Variants in CYYR1 observed in about 807,000 individuals in gnomAD.
CYYR1 encodes the protein cysteine and tyrosine rich 1, also known as cysteine and tyrosine-rich protein 1.
CYYR1 carries 14 observed loss-of-function variants against 15.2 expected under a neutral mutation model. The observed-to-expected ratio is 0.92, with a 90% confidence interval of 0.61 to 1.44. CYYR1 has a LOEUF of 1.44. Among genes scored for constraint, CYYR1 ranks in the 40% most tolerant of loss-of-function variants. The probability of loss-of-function intolerance (pLI) is 0.00; values close to 1 mark genes in which losing one functional copy is unlikely to be tolerated. For synonymous variants in CYYR1, 80 were observed against 77.4 expected (o/e 1.03, Z -0.18); for missense variants, 228 against 209.5 (o/e 1.09, Z -0.54).
intron 2 of CYYR1, among the ~76,000 whole-genome samples, chr21:26,527,286 T>A (rs1289431537): frequency 1.3e-5 from 2 of 152,226 alleles, no homozygotes; most frequent in Admixed American, 6.5e-5. Context: ...GGGTTTGGAA[T>A]TTGGAATTAA....
intron 2 of CYYR1, among the ~76,000 whole-genome samples, chr21:26,556,621 G>A (rs1188263044): frequency 6.6e-6 from 1 of 152,012 alleles, no homozygotes; most frequent in African/African-American, 2.4e-5. Flanking sequence ...AATCAGGCAC[G>A]TCCTCACATG....
chr21:26,502,654 A>T (rs180787015), intron 2 of CYYR1, among the ~76,000 whole-genome samples: 13 of 151,920 alleles, frequency 8.6e-5, no homozygotes, highest in Admixed American at 7.9e-4. Flanking sequence ...CTTCTAGAGG[A>T]CTCCGATTTG....
chr21:26,527,103 G>A (rs2065876373), intron 2 of CYYR1, among the ~76,000 whole-genome samples: 1 of 152,150 alleles, frequency 6.6e-6, no homozygotes. Flanking sequence ...AGAAGTCAGG[G>A]GATGCTGGGC....
intron 2 of CYYR1, among the ~76,000 whole-genome samples, chr21:26,499,143 G>A (rs2065446718): frequency 6.6e-6 from 1 of 152,202 alleles, no homozygotes; most frequent in Admixed American, 6.5e-5. Flanking sequence ...ATATGTCCAT[G>A]TTCTAATTCC....
rs762557964 is a variant in CYYR1 at position 26,572,896 on chromosome 21, C to T, written c.45G>A (p.Pro15=). The change falls in exon 1 of 4, where the codon CCG becomes CCA. Residue 15 remains proline, a synonymous_variant. Coordinates refer to ENST00000652641, the MANE Select transcript of CYYR1 (RefSeq NM_001320768.2). The part of the protein sequence containing the change: ...RLPVRPGVLL[P]KLVLLFVYAD... ...CGTAGACAAAGAGCAGGACCAACTT[C>T]GGAAGCAAGACCCCTGGACGCACGG... The T allele has an allele frequency of 2.5e-6, 4 of 1,614,090 alleles. No individual in the cohort carries two copies. Among genetic ancestry groups the T allele is most frequent in the East Asian group, 2.2e-5 (1 of 44,840 alleles).
intron 2 of CYYR1, among the ~76,000 whole-genome samples, chr21:26,514,020 A>G (rs2065687148): frequency 6.6e-6 from 1 of 151,958 alleles, no homozygotes; most frequent in African/African-American, 2.4e-5. Flanking sequence ...ATATGTAACA[A>G]ACCTGCACGT....
At chr21:26,553,460 C>G (rs1379243579) in intron 2 of CYYR1, among the ~76,000 whole-genome samples, 1 of 152,020 alleles carries the variant, frequency 6.6e-6, no homozygotes, top group Non-Finnish European at 1.5e-5. Context: ...TAAACCCTGT[C>G]CACATTATGC....
intron 2 of CYYR1, among the ~76,000 whole-genome samples, chr21:26,557,400 TATTC>T (rs1353802583): frequency 1.3e-5 from 2 of 152,186 alleles, no homozygotes; most frequent in Non-Finnish European, 2.9e-5. Context: ...TATGGTAACA[TATTC>T]AATTCAGAAT....
intron 2 of CYYR1, among the ~76,000 whole-genome samples, chr21:26,538,894 C>T (rs147583883): frequency 6.6e-6 from 1 of 152,204 alleles, no homozygotes; most frequent in Non-Finnish European, 1.5e-5. Flanking sequence ...ACTATTAAAC[C>T]ATTAAATTTG....
chr21:26,549,828 A>G (rs570645519), intron 2 of CYYR1, among the ~76,000 whole-genome samples: 2 of 152,342 alleles, frequency 1.3e-5, no homozygotes, highest in South Asian at 4.1e-4. Flanking sequence ...AAAAATTTAA[A>G]AAGAATAAGA....
chr21:26,564,030 T>C (rs1399777403), intron 2 of CYYR1, among the ~76,000 whole-genome samples: 1 of 152,190 alleles, frequency 6.6e-6, no homozygotes, highest in Non-Finnish European at 1.5e-5. Flanking sequence ...TTAAAATGAT[T>C]TCACTAAGAA....
intron 2 of CYYR1, among the ~76,000 whole-genome samples, chr21:26,537,739 A>G (rs890450806): frequency 3.7e-4 from 57 of 152,174 alleles, no homozygotes; most frequent in Admixed American, 3.5e-3. Flanking sequence ...TGGTCCGAAT[A>G]TTTGGGTCCC....
intron 2 of CYYR1, among the ~76,000 whole-genome samples, chr21:26,523,783 A>C (rs978654434): frequency 1.3e-5 from 2 of 152,090 alleles, no homozygotes; most frequent in African/African-American, 4.8e-5. Context: ...CAAACTCATC[A>C]CACCATCTTG....
rs1053319472 is a variant in CYYR1 at position 26,573,096 on chromosome 21, G to C, written c.-156C>G. The C allele has an allele frequency of 3.9e-6, 6 of 1,524,700 alleles. No homozygotes were observed. The highest frequency in any genetic ancestry group is 5.3e-6 in the Non-Finnish European group (6 of 1,140,270). The allele number at this position is 1,524,700 out of a possible 1,614,324, so 94.4% of individuals were successfully genotyped here. A position where few individuals can be genotyped will look rare whatever the true frequency, so the allele number is the denominator to read the frequency against. On this transcript the variant is annotated 5_prime_UTR_variant, in exon 1 of 4. Transcript: ENST00000652641. ...CTAGGGAGCCTTCCAAGGGAGCCCG[G>C]GCCGGGCGCGTCCCGGGCCAGCGAC...
intron 3 of CYYR1, among the ~76,000 whole-genome samples, chr21:26,474,924 C>T (rs1283570553): frequency 1.3e-5 from 2 of 152,080 alleles, no homozygotes; most frequent in Non-Finnish European, 2.9e-5. Flanking sequence ...ATTTATGGGC[C>T]ATCACTAAAA....
chr21:26,516,325 C>T (rs2065726761), intron 2 of CYYR1, among the ~76,000 whole-genome samples: 1 of 152,072 alleles, frequency 6.6e-6, no homozygotes, highest in Non-Finnish European at 1.5e-5. Context: ...ATTTTTAAAG[C>T]ACATTAAAAA....
intron 2 of CYYR1, among the ~76,000 whole-genome samples, chr21:26,501,165 C>G (rs933396467): frequency 6.6e-6 from 1 of 152,098 alleles, no homozygotes; most frequent in African/African-American, 2.4e-5. Flanking sequence ...TGGTGAAACC[C>G]CATCTCTACT....
In CYYR1 at chr21:26,520,019, G is replaced by A. The variant is rs182466446; in HGVS notation, c.177-39590C>T. ...TGACGGATTGGAAAAAGAAAATGTGGTATATATACACCATGGAATACTATG... is the reference window on the plus strand; with the variant it reads ...TGACGGATTGGAAAAAGAAAATGTGATATATATACACCATGGAATACTATG... On this transcript the variant is annotated intron_variant, in intron 2 of 3. Coordinates refer to ENST00000652641, the MANE Select transcript of CYYR1 (RefSeq NM_001320768.2). Among the ~76,000 whole-genome samples, 347 of 150,018 alleles carry A rather than the reference G, an allele frequency of 2.3e-3. 3 individuals carry two copies. Among genetic ancestry groups the A allele is most frequent in the African/African-American group, 8.1e-3 (330 of 40,676 alleles).
At position 26,468,535 on chromosome 21, in the gene CYYR1, G is replaced by T; in HGVS notation, c.434C>A (p.Pro145Gln). 2 of 1,608,462 alleles carry T rather than the reference G, an allele frequency of 1.2e-6. No homozygotes were observed. Among genetic ancestry groups the T allele is most frequent in the Non-Finnish European group, 1.7e-6 (2 of 1,174,942 alleles). Reference sequence around the variant, plus strand: ...TGCGTTTCCAGGATAAGGAGGGGGTGGAGAACGCTGTGCTGGACCCTGTGG... The same window carrying T: ...TGCGTTTCCAGGATAAGGAGGGGGTTGAGAACGCTGTGCTGGACCCTGTGG... ...PTPQGPAQRS[P>Q]PPPYPGNARK The change falls in exon 4 of 4, where the codon CCA (proline) becomes CAA (glutamine). Residue 145 changes from proline to glutamine, a missense_variant. Coordinates refer to ENST00000652641, the MANE Select transcript of CYYR1 (RefSeq NM_001320768.2).
Sources: gnomAD v4.1 joint callset for allele counts (sites outside exome capture counted in the v4.1 genomes callset) on GRCh38, gnomAD v4.1.1 for gene constraint, MANE v1.5 for transcripts, NCBI Gene and HGNC (gene_info 2026-07-23, HGNC 2026-07-21) for gene names.